The following ZFPM2 variants were observed in gnomAD, a reference collection of about 807,000 sequenced individuals.
ZFPM2 encodes the protein zinc finger protein ZFPM2.
Under a neutral mutation model 98.6 loss-of-function variants are expected in ZFPM2, and 20 were observed. The ratio of observed to expected loss-of-function variants is 0.20; its 90% CI spans 0.14 to 0.29. ZFPM2 has a LOEUF of 0.29. ZFPM2 is among the 10% of genes least tolerant of loss of function. The pLI is 1.00. For synonymous variants in ZFPM2, 518 were observed against 502.7 expected (o/e 1.03, Z -0.41); for missense variants, 1,310 against 1,388.6 (o/e 0.94, Z 0.90).
chr8:105,768,761 C>T (rs1380457013), intron 5 of ZFPM2, among the ~76,000 whole-genome samples: 1 of 151,712 alleles, frequency 6.6e-6, no homozygotes, highest in East Asian at 1.9e-4. Flanking sequence ...GTTAGATATC[C>T]ACAGTTGAAG....
chr8:105,591,931 A>G (rs1021958984), intron 4 of ZFPM2, among the ~76,000 whole-genome samples: 1 of 152,206 alleles, frequency 6.6e-6, no homozygotes, highest in African/African-American at 2.4e-5. Context: ...GATAAAGCAG[A>G]GTTGTTTTGT....
chr8:105,490,990 T>A (rs1442135717), intron 3 of ZFPM2, among the ~76,000 whole-genome samples: 1 of 152,170 alleles, frequency 6.6e-6, no homozygotes, highest in African/African-American at 2.4e-5. Flanking sequence ...AAGATATAAA[T>A]CCCAAGACCA....
chr8:105,724,392 TGGGAGC>T (rs1222628526), intron 5 of ZFPM2, among the ~76,000 whole-genome samples: 1 of 151,914 alleles, frequency 6.6e-6, no homozygotes, highest in Non-Finnish European at 1.5e-5. Flanking sequence ...CTCTGCTTCT[TGGGAGC>T]ACTTCCAGTA....
At chr8:105,556,109 T>C (rs1344874635) in intron 3 of ZFPM2, among the ~76,000 whole-genome samples, 1 of 152,188 alleles carries the variant, frequency 6.6e-6, no homozygotes, top group African/African-American at 2.4e-5. Flanking sequence ...AGTGGAGTTT[T>C]AATCAGTTTA....
intron 1 of ZFPM2, among the ~76,000 whole-genome samples, chr8:105,336,902 G>A (rs758645994): frequency 5.3e-5 from 8 of 151,688 alleles, no homozygotes; most frequent in Non-Finnish European, 8.8e-5. Context: ...GGGTGCTTTG[G>A]TTATACTAAC....
intron 5 of ZFPM2, among the ~76,000 whole-genome samples, chr8:105,652,055 C>CAA (rs1817189295): frequency 6.6e-6 from 1 of 151,930 alleles, no homozygotes; most frequent in Admixed American, 6.6e-5. Flanking sequence ...TACATAGATG[C>CAA]AAAAGATGTT....
intron 5 of ZFPM2, among the ~76,000 whole-genome samples, chr8:105,737,995 C>T (rs572078104): frequency 6.6e-6 from 1 of 151,798 alleles, no homozygotes; most frequent in Non-Finnish European, 1.5e-5. Context: ...GAAAAAAAAG[C>T]AGCTAAGTTT....
intron 4 of ZFPM2, among the ~76,000 whole-genome samples, chr8:105,565,009 C>G (rs1173160928): frequency 6.6e-6 from 1 of 152,116 alleles, no homozygotes; most frequent in Non-Finnish European, 1.5e-5. Context: ...GATTAGCGCA[C>G]TCTCTTAAAT....
intron 5 of ZFPM2, among the ~76,000 whole-genome samples, chr8:105,713,790 G>C (rs1811457008): frequency 6.6e-6 from 1 of 151,918 alleles, no homozygotes; most frequent in South Asian, 2.1e-4. Context: ...TTTATTCCCA[G>C]GTTCTCTATT....
At chr8:105,491,442 C>T (rs992590946) in intron 3 of ZFPM2, among the ~76,000 whole-genome samples, 3 of 152,050 alleles carry the variant, frequency 2.0e-5, no homozygotes, top group Non-Finnish European at 2.9e-5. Context: ...TAAAGCAAAC[C>T]ATGGATAAAG....
intron 4 of ZFPM2, among the ~76,000 whole-genome samples, chr8:105,623,868 G>T (rs770448473): frequency 6.6e-5 from 10 of 152,106 alleles, no homozygotes; most frequent in Admixed American, 2.0e-4. Flanking sequence ...TTCTCTAAAA[G>T]GGTTAAAATA....
At chr8:105,533,165 T>C (rs560341595) in intron 3 of ZFPM2, among the ~76,000 whole-genome samples, 305 of 152,316 alleles carry the variant, frequency 2.0e-3, no homozygotes, top group Admixed American at 3.9e-3. Flanking sequence ...GAAACTGCTT[T>C]TCTTAAGTCC....
intron 1 of ZFPM2, among the ~76,000 whole-genome samples, chr8:105,320,766 T>C (rs1295190772): frequency 2.0e-5 from 3 of 152,330 alleles, no homozygotes; most frequent in East Asian, 1.9e-4. Context: ...CCTCATATAA[T>C]TGAAGATTAA....
At chr8:105,702,998 G>T (rs1811174062) in intron 5 of ZFPM2, among the ~76,000 whole-genome samples, 1 of 152,108 alleles carries the variant, frequency 6.6e-6, no homozygotes. Flanking sequence ...GTGAGAAAGT[G>T]AAAAGAAACA....
At chr8:105,774,258 C>T (rs1469233553) in intron 5 of ZFPM2, among the ~76,000 whole-genome samples, 2 of 152,000 alleles carry the variant, frequency 1.3e-5, no homozygotes, top group Non-Finnish European at 2.9e-5. Context: ...TATATTTAAC[C>T]GTAGATTGTA....
intron 1 of ZFPM2, chr8:105,358,607 G>A (rs927913193): frequency 1.3e-5 from 2 of 151,872 alleles, no homozygotes; most frequent in African/African-American, 4.8e-5. Context: ...TGGATCCTAG[G>A]ATGCTGTGGA....
At chr8:105,517,707 C>CCACA (rs1554613621) in intron 3 of ZFPM2, among the ~76,000 whole-genome samples, 1,288 of 124,964 alleles carry the variant, frequency 0.01, 10 homozygotes, top group East Asian at 0.037. Context: ...CACACACACA[C>CCACA]CACACACACA....
chr8:105,499,761 G>T (rs1813551203), intron 3 of ZFPM2, among the ~76,000 whole-genome samples: 1 of 152,142 alleles, frequency 6.6e-6, no homozygotes, highest in Non-Finnish European at 1.5e-5. Context: ...AGGAGACCCA[G>T]GAGTTTTTAC....
intron 4 of ZFPM2, among the ~76,000 whole-genome samples, chr8:105,598,805 C>A (rs1177367082): frequency 6.6e-6 from 1 of 152,104 alleles, no homozygotes; most frequent in Non-Finnish European, 1.5e-5. Context: ...AACCCTAGAG[C>A]CTTCTTACTT....
Sources: gnomAD v4.1 joint callset for allele counts (sites outside exome capture counted in the v4.1 genomes callset) on GRCh38, gnomAD v4.1.1 for gene constraint, MANE v1.5 for transcripts, NCBI Gene and HGNC (gene_info 2026-07-23, HGNC 2026-07-21) for gene names.